The following PHACTR3 variants were observed in gnomAD, a reference collection of about 807,000 sequenced individuals.
PHACTR3 encodes the protein protein phosphatase 1, regulatory subunit 123.
PHACTR3 carries 16 observed loss-of-function variants against 66.8 expected under a neutral mutation model. The ratio of observed to expected loss-of-function variants is 0.24; its 90% CI spans 0.16 to 0.36. The LOEUF (loss-of-function observed/expected upper bound fraction) is 0.36. PHACTR3 is among the 10% of genes least tolerant of loss of function. The probability of loss-of-function intolerance (pLI) is 1.00; values close to 1 mark genes in which losing one functional copy is unlikely to be tolerated. For synonymous variants in PHACTR3, 323 were observed against 292.1 expected, an observed-to-expected ratio of 1.11 and a Z score of -1.08; for missense variants, 647 against 719.9, an observed-to-expected ratio of 0.90 and a Z score of 1.16.
intron 1 of PHACTR3, among the ~76,000 whole-genome samples, chr20:59,678,226 C>A (rs939321263): frequency 6.6e-6 from 1 of 152,162 alleles, no homozygotes; most frequent in South Asian, 2.1e-4. Flanking sequence ...TATTATACAC[C>A]TTCAGCCCGT....
At chr20:59,682,556 G>A (rs1248914492) in intron 1 of PHACTR3, among the ~76,000 whole-genome samples, 1 of 152,160 alleles carries the variant, frequency 6.6e-6, no homozygotes, top group East Asian at 1.9e-4. Context: ...AAGTGTTGTG[G>A]GAAATGAACA....
At chr20:59,597,042 T>C (rs904866533) in intron 1 of PHACTR3, among the ~76,000 whole-genome samples, 2 of 152,250 alleles carry the variant, frequency 1.3e-5, no homozygotes, top group African/African-American at 4.8e-5. Flanking sequence ...GCATGTTTGT[T>C]GAGCAAATGT....
chr20:59,841,287 GTTT>G, intron 10 of PHACTR3, 105 bp from the exon 11 acceptor site: 1 of 1,173,220 alleles, frequency 8.5e-7, no homozygotes, highest in South Asian at 1.7e-5. Flanking sequence ...CCAGTTTCAG[GTTT>G]TTTTTGTTTT....
chr20:59,754,209 G>A (rs527733469), intron 3 of PHACTR3, among the ~76,000 whole-genome samples: 1 of 152,354 alleles, frequency 6.6e-6, no homozygotes, highest in South Asian at 2.1e-4. Flanking sequence ...CAAGTGCTGA[G>A]CCCCTCAGCA....
intron 1 of PHACTR3, among the ~76,000 whole-genome samples, chr20:59,622,862 T>C (rs914310447): frequency 1.3e-5 from 2 of 151,604 alleles, no homozygotes; most frequent in Non-Finnish European, 2.9e-5. Context: ...TGAACTGCTA[T>C]CCAGAGTGTC....
intron 9 of PHACTR3, 115 bp from the exon 10 acceptor site, chr20:59,840,254 T>C: frequency 6.9e-7 from 1 of 1,455,318 alleles, no homozygotes; most frequent in East Asian, 2.5e-5. Flanking sequence ...TGATGTGGAA[T>C]TAACTTCAGC....
chr20:59,802,644 G>A (rs759729087), intron 7 of PHACTR3, among the ~76,000 whole-genome samples: 3 of 152,208 alleles, frequency 2.0e-5, no homozygotes, highest in Non-Finnish European at 4.4e-5. Context: ...CCTGCTTGGT[G>A]AGGTGGAGCT....
chr20:59,611,857 T>C (rs563849760), intron 1 of PHACTR3, among the ~76,000 whole-genome samples: 3 of 152,366 alleles, frequency 2.0e-5, no homozygotes, highest in East Asian at 1.9e-4. Flanking sequence ...ACTGGTTGTC[T>C]TGAAATGCGA....
chr20:59,589,669 A>G (rs2033134263), intron 1 of PHACTR3, among the ~76,000 whole-genome samples: 1 of 152,088 alleles, frequency 6.6e-6, no homozygotes. Context: ...AAAAGAAACA[A>G]CTCTCTTAAG....
intron 7 of PHACTR3, among the ~76,000 whole-genome samples, chr20:59,791,067 C>T (rs2041077330): frequency 6.6e-6 from 1 of 152,076 alleles, no homozygotes; most frequent in African/African-American, 2.4e-5. Context: ...CCTTTCAGCT[C>T]CACCATGGTA....
intron 3 of PHACTR3, among the ~76,000 whole-genome samples, chr20:59,751,123 G>A (rs1216751368): frequency 1.3e-5 from 2 of 152,188 alleles, no homozygotes; most frequent in African/African-American, 2.4e-5. Context: ...ACGCAGTGCC[G>A]CCGCCTCTGC....
At chr20:59,758,404 A>C (rs2039884544) in intron 4 of PHACTR3, among the ~76,000 whole-genome samples, 1 of 152,224 alleles carries the variant, frequency 6.6e-6, no homozygotes, top group Non-Finnish European at 1.5e-5. Context: ...AATTCACTTA[A>C]AGTAAAATAT....
intron 1 of PHACTR3, among the ~76,000 whole-genome samples, chr20:59,722,039 G>C (rs1246169412): frequency 6.6e-6 from 1 of 152,050 alleles, no homozygotes; most frequent in African/African-American, 2.4e-5. Context: ...GACCATCCTG[G>C]CTAACACAGT....
intron 1 of PHACTR3, among the ~76,000 whole-genome samples, chr20:59,660,052 A>T (rs906337497): frequency 6.6e-6 from 1 of 152,106 alleles, no homozygotes; most frequent in Non-Finnish European, 1.5e-5. Context: ...AGTTCCCAGG[A>T]TAGATTTCTC....
At chr20:59,799,351 T>C (rs1329808268) in intron 7 of PHACTR3, among the ~76,000 whole-genome samples, 1 of 152,186 alleles carries the variant, frequency 6.6e-6, no homozygotes, top group Non-Finnish European at 1.5e-5. Context: ...ATTTATTCTA[T>C]GAATTATTTA....
At chr20:59,638,351 GGGTGGATGGATGGGTGGGTTGGT>G (rs2034967355) in intron 1 of PHACTR3, among the ~76,000 whole-genome samples, 1 of 152,138 alleles carries the variant, frequency 6.6e-6, no homozygotes, top group Non-Finnish European at 1.5e-5. Flanking sequence ...CATAAGTGCT[GGGTGGATGGATGGGTGGGTTGGT>G]GGTGGATGGA....
In PHACTR3 at chr20:59,690,747, C is replaced by T. The variant is rs1409570394; in HGVS notation, c.119-52360C>T. Among the ~76,000 whole-genome samples, 8 of 152,198 alleles carry T rather than the reference C, an allele frequency of 5.3e-5. No individual in the cohort carries two copies. The East Asian group carries it at 1.5e-3, about 29-fold the overall frequency. Reference sequence around the variant, plus strand: ...CAGGGTTCCCAGGAAAGGGAACCACCTCCAGTTCCCCATCCCCTTTCCTTT... The same window carrying T: ...CAGGGTTCCCAGGAAAGGGAACCACTTCCAGTTCCCCATCCCCTTTCCTTT... On this transcript the variant is annotated intron_variant, in intron 1 of 12. Coordinates refer to ENST00000371015, the MANE Select transcript of PHACTR3 (RefSeq NM_080672.5).
intron 1 of PHACTR3, among the ~76,000 whole-genome samples, chr20:59,676,020 G>C (rs150098963): frequency 7.0e-4 from 106 of 152,336 alleles, no homozygotes; most frequent in Non-Finnish European, 1.4e-3. Context: ...TTGCATATCA[G>C]ACTCCTTCTT....
At chr20:59,785,106 G>C (rs2040861664) in intron 7 of PHACTR3, among the ~76,000 whole-genome samples, 1 of 152,196 alleles carries the variant, frequency 6.6e-6, no homozygotes, top group Non-Finnish European at 1.5e-5. Flanking sequence ...GTCAGAGTCA[G>C]CTCCAGCTGC....
Sources: allele counts gnomAD v4.1 joint callset (sites outside exome capture counted in the v4.1 genomes callset), GRCh38; gene constraint gnomAD v4.1.1; transcripts MANE v1.5; gene names NCBI Gene and HGNC (gene_info 2026-07-23, HGNC 2026-07-21).